Variants in BRD8 observed in about 807,000 individuals in gnomAD.
BRD8 encodes the protein bromodomain containing 8.
In BRD8, 67 loss-of-function variants were observed where a neutral mutation model predicts 143.1. The observed-to-expected ratio is 0.47, with a 90% CI of 0.38 to 0.57. BRD8 has a LOEUF of 0.57. Ranked by LOEUF, BRD8 falls within the 20% of genes least tolerant of loss-of-function variation. BRD8 has a pLI of 0.00. For missense variants in BRD8, 1,103 were observed against 1,503.0 expected (o/e 0.73, Z 4.40); for synonymous variants, 505 against 517.1 (o/e 0.98, Z 0.32).
chr5:138,173,258 C>G (rs1276655639), intron 2 of BRD8, among the ~76,000 whole-genome samples: 1 of 151,936 alleles, frequency 6.6e-6, no homozygotes, highest in Admixed American at 6.6e-5. Context: ...ATTAGCCAGG[C>G]ATGGTGGCGT....
rs1206391869 is a variant in BRD8, at chr5:138,152,546, C to G, written c.2792G>C (p.Ser931Thr). Residue 931 changes from serine to threonine, a missense_variant, in exon 21 of 27, where the codon AGT (serine) becomes ACT (threonine). Physicochemically the swap from Ser to Thr is moderately conservative, Grantham distance 58. Coordinates refer to ENST00000254900, the MANE Select transcript of BRD8 (RefSeq NM_139199.2). ...PSELLVGDGG[S>T]EESQEAARKA... ...CCTTGCCGCTTCCTGAGATTCCTCA[C>G]TGCCTCCATCCCCAACAAGCAGTTC... is the stretch of plus-strand genomic sequence containing the variant. 5 of 1,614,204 alleles carry G rather than the reference C, an allele frequency of 3.1e-6. No individual in the cohort carries two copies. The highest frequency in any genetic ancestry group is 4.2e-6 in the Non-Finnish European group (5 of 1,180,036).
chr5:138,166,222 A>G, intron 10 of BRD8, 114 bp from the exon 11 acceptor site: 1 of 775,080 alleles, frequency 1.3e-6, no homozygotes, highest in African/African-American at 1.7e-5. Context: ...TTAAGGTCAG[A>G]AAGAGTCATC....
In BRD8 at chr5:138,164,109, G is replaced by T; in HGVS notation, c.1850C>A (p.Thr617Asn). The change falls in exon 14 of 27, where the codon ACT becomes AAT. Residue 617 changes from threonine (T) to asparagine (N), a missense_variant. Physicochemically the swap from Thr to Asn is moderately conservative, Grantham distance 65. Coordinates refer to ENST00000254900, the MANE Select transcript of BRD8 (RefSeq NM_139199.2). ...MSDSLKEESG[T>N]IFGSQIKDAP... is the part of the protein sequence containing the mutation. ...TACCTTTATCTGGCTTCCAAAAATA[G>T]TCCCTGATTCTTCTTTCAATGAGTC... 6.2e-7 allele frequency: 1 copy of T among 1,614,028 alleles called. No individual in the cohort carries two copies. The highest frequency in any genetic ancestry group is 1.1e-5 in the South Asian group (1 of 91,082).
intron 20 of BRD8, among the ~76,000 whole-genome samples, chr5:138,158,745 A>G (rs1423457240): frequency 6.9e-6 from 1 of 144,344 alleles, no homozygotes; most frequent in African/African-American, 2.6e-5. Context: ...ACCCAGCCAC[A>G]GTGGTCATTA....
intron 7 of BRD8, among the ~76,000 whole-genome samples, chr5:138,169,722 A>G (rs1234704193): frequency 6.6e-6 from 1 of 152,222 alleles, no homozygotes; most frequent in Admixed American, 6.5e-5. Flanking sequence ...TAATCCCAGC[A>G]CTTTGGGAGG....
rs766205611 is a variant in BRD8, at chr5:138,164,975, C to T, written c.1470G>A (p.Thr490=). The part of the protein sequence containing the change: ...VKQERLDFEE[T]ENKGIHELVD... ...CCAGTTCATGTATTCCCTTGTTTTC[C>T]GTTTCCTCAAAGTCCAGTCTCTCTT... Residue 490 remains threonine, a synonymous_variant, in exon 12 of 27, where the codon ACG becomes ACA. Coordinates refer to ENST00000254900, the MANE Select transcript of BRD8 (RefSeq NM_139199.2). 8 of 1,614,152 alleles carry T rather than the reference C, an allele frequency of 5.0e-6. No homozygotes were observed. Among genetic ancestry groups the T allele is most frequent in the East Asian group, 2.2e-5 (1 of 44,890 alleles).
chr5:138,173,206 T>G (rs1019789100), intron 2 of BRD8, among the ~76,000 whole-genome samples: 2 of 152,154 alleles, frequency 1.3e-5, no homozygotes, highest in Non-Finnish European at 2.9e-5. Flanking sequence ...GAGACCAGCC[T>G]GGCCAATGTG....
Position 138,171,415 on chromosome 5 carries a change from T to TAAAAAA in BRD8, c.187-11_187-6dup, listed in dbSNP as rs34106093. ...CGAGTACTGGGAAGCACAATGCTAT[T>TAAAAAA]AAAAAAAAAAAAAAAAGTGAAAATG... On this transcript the variant is annotated splice_polypyrimidine_tract_variant and splice_region_variant and intron_variant, in intron 3 of 26. Coordinates refer to ENST00000254900, the MANE Select transcript of BRD8 (RefSeq NM_139199.2). The TAAAAAA allele has an allele frequency of 1.5e-6, 2 of 1,346,562 alleles. No individual in the cohort carries two copies. The highest frequency in any genetic ancestry group is 2.0e-6 in the Non-Finnish European group (2 of 983,204). The allele number at this position is 1,346,562 out of a possible 1,614,324, so 83.4% of individuals were successfully genotyped here.
In BRD8 at chr5:138,152,468, G is replaced by C. The variant is rs774155127; in HGVS notation, c.2856+14C>G. 11 of 1,612,036 alleles carry C rather than the reference G, an allele frequency of 6.8e-6. No individual in the cohort carries two copies. The highest frequency in any genetic ancestry group is 8.5e-6 in the Non-Finnish European group (10 of 1,179,068). On this transcript the variant is annotated intron_variant, in intron 21 of 26. Coordinates refer to ENST00000254900, the MANE Select transcript of BRD8 (RefSeq NM_139199.2). ...GAGGCTTTTCCAGCTTTGGAAATAA[G>C]AGCTCACTGTTACCTCAGAGAGAAA...
chr5:138,166,536 T>C lies in BRD8; in HGVS notation c.979A>G (p.Thr327Ala), dbSNP rs1429310900. ...APSSAPAVST[T>A]ESVAPVSQPD... ...GACGCACCTGGAGCTACACTTTCAGTAGTGGAGACAGCCGGAGCAGAGGAT... is the reference window on the plus strand; with the variant it reads ...GACGCACCTGGAGCTACACTTTCAGCAGTGGAGACAGCCGGAGCAGAGGAT... Residue 327 changes from threonine (T) to alanine (A), a missense_variant, in exon 10 of 27, where the codon ACT (threonine) becomes GCT (alanine). Around this residue, in one of 7 missense-constraint regions of BRD8, gnomAD observed 334 missense variants for 372.5 expected, o/e 0.90. Coordinates refer to ENST00000254900, the MANE Select transcript of BRD8 (RefSeq NM_139199.2). The C allele has an allele frequency of 6.2e-7, 1 of 1,611,996 alleles. No homozygotes were observed. The highest frequency in any genetic ancestry group is 2.2e-5 in the East Asian group (1 of 44,848).
chr5:138,147,788 A>G (rs973760676), intron 23 of BRD8, among the ~76,000 whole-genome samples: 63 of 152,248 alleles, frequency 4.1e-4, no homozygotes, highest in Admixed American at 3.1e-3. Flanking sequence ...ATACAAAAAA[A>G]TCAGCTGGTT....
intron 22 of BRD8, among the ~76,000 whole-genome samples, 190 bp from the exon 23 acceptor site, chr5:138,149,987 G>A (rs1344135790): frequency 2.0e-5 from 3 of 152,112 alleles, no homozygotes; most frequent in Non-Finnish European, 4.4e-5. Context: ...AATCTTGCTG[G>A]AGGACTTTGA....
intron 20 of BRD8, among the ~76,000 whole-genome samples, chr5:138,159,272 G>A (rs1752822147): frequency 6.6e-6 from 1 of 151,996 alleles, no homozygotes; most frequent in Admixed American, 6.6e-5. Flanking sequence ...TTGGTAAAAG[G>A]TGAAGTCAGG....
Position 138,168,051 on chromosome 5 carries a change from A to G in BRD8, c.670T>C (p.Ser224Pro). The G allele has an allele frequency of 6.2e-7, 1 of 1,613,610 alleles. No individual in the cohort carries two copies. The highest frequency in any genetic ancestry group is 8.5e-7 in the Non-Finnish European group (1 of 1,179,610). The change falls in exon 9 of 27, where the codon TCT (serine) becomes CCT (proline). Residue 224 changes from serine (S) to proline (P), a missense_variant. By Grantham distance (74) the Ser-to-Pro change is moderately conservative. Transcript: ENST00000254900. ...ACACCTGTACTGTTCAGGTGGCCAG[A>G]AGCCACAGCCATTTCACTCTCATTG... ...GVNESEMAVA[S>P]GHLNSTGVLL...
chr5:138,167,985 C>G lies in BRD8; in HGVS notation c.736G>C (p.Gly246Arg). 6.2e-7 allele frequency: 1 copy of G among 1,613,452 alleles called. No individual in the cohort carries two copies. Among genetic ancestry groups the G allele is most frequent in the Non-Finnish European group, 8.5e-7 (1 of 1,179,380 alleles). ...GTATTGGGTGTTTGCTGTATCTCCC[C>G]ACCATGTATCATGGGAAGGACCCCG... The part of the protein sequence containing the change: ...VGGVLPMIHG[G>R]EIQQTPNTVA... The change falls in exon 9 of 27, where the codon GGG becomes CGG. Residue 246 changes from glycine to arginine, a missense_variant. Gly to Arg is a moderately radical substitution (Grantham distance 125). Transcript: ENST00000254900.
Position 138,140,728 on chromosome 5 carries a change from G to C in BRD8, c.3592C>G (p.Gln1198Glu), listed in dbSNP as rs754470489. The change falls in exon 26 of 27, where the codon CAA becomes GAA. Residue 1198 changes from glutamine to glutamate, a missense_variant. Physicochemically the swap from Gln to Glu is conservative, Grantham distance 29 (BLOSUM62 2). Around this residue, in one of 7 missense-constraint regions of BRD8, gnomAD observed 369 missense variants for 445.5 expected, o/e 0.83. Coordinates refer to ENST00000254900, the MANE Select transcript of BRD8 (RefSeq NM_139199.2). ...HVYHMAVEMR[Q>E]EVLEQIQVLN... ...ACCTGAATCTGCTCCAGGACTTCTT[G>C]CCGCATCTCCACAGCCATATGGTAT... 1.2e-6 allele frequency: 2 copies of C among 1,614,040 alleles called. No homozygotes were observed. Among genetic ancestry groups the C allele is most frequent in the South Asian group, 2.2e-5 (2 of 91,082 alleles).
chr5:138,155,371 C>T (rs1752542318), intron 20 of BRD8, among the ~76,000 whole-genome samples: 1 of 150,746 alleles, frequency 6.6e-6, no homozygotes, highest in African/African-American at 2.4e-5. Context: ...ATCGCTTGCA[C>T]CTGGGAGGCG....
chr5:138,174,190 A>G (rs998604573), intron 2 of BRD8, among the ~76,000 whole-genome samples: 2 of 151,636 alleles, frequency 1.3e-5, no homozygotes, highest in Non-Finnish European at 2.9e-5. Context: ...GTATACATAT[A>G]TATTTTTTCT....
At chr5:138,149,113 G>A (rs975110005) in intron 23 of BRD8, among the ~76,000 whole-genome samples, 4 of 150,774 alleles carry the variant, frequency 2.7e-5, no homozygotes, top group African/African-American at 9.7e-5. Context: ...GGCATAGTTT[G>A]TATAATATTA....
Sources: allele counts gnomAD v4.1 joint callset (sites outside exome capture counted in the v4.1 genomes callset), GRCh38; gene constraint gnomAD v4.1.1; regional missense constraint gnomAD v4.1.1; transcripts MANE v1.5; gene names NCBI Gene and HGNC (gene_info 2026-07-23, HGNC 2026-07-21).